RGS7BP: variants seen among roughly 807,000 people sequenced by gnomAD.
The protein encoded by RGS7BP is regulator of G protein signaling 7 binding protein, also known as regulator of G protein signaling 7-binding protein.
RGS7BP carries 9 observed loss-of-function variants against 31.3 expected under a neutral mutation model. The observed-to-expected ratio is 0.29, with a 90% confidence interval of 0.17 to 0.50. The LOEUF is 0.50. Ranked by LOEUF, RGS7BP falls within the 20% of genes least tolerant of loss-of-function variation. The pLI, the probability that RGS7BP is intolerant of heterozygous loss-of-function variation, is 0.98. For missense variants in RGS7BP, 274 were observed against 322.0 expected, an observed-to-expected ratio of 0.85 and a Z score of 1.14; for synonymous variants, 115 against 120.1, an observed-to-expected ratio of 0.96 and a Z score of 0.28.
At chr5:64,544,390 G>T (rs535063180) in intron 2 of RGS7BP, among the ~76,000 whole-genome samples, 2 of 152,112 alleles carry the variant, frequency 1.3e-5, no homozygotes, top group Non-Finnish European at 2.9e-5. Context: ...AAGATGTATA[G>T]GAGGCCAGGC....
chr5:64,531,821 A>G (rs1328702300), intron 2 of RGS7BP, among the ~76,000 whole-genome samples: 1 of 152,252 alleles, frequency 6.6e-6, no homozygotes, highest in Non-Finnish European at 1.5e-5. Context: ...TTCAAACAAC[A>G]TAGGGTATTT....
intron 3 of RGS7BP, among the ~76,000 whole-genome samples, chr5:64,578,748 G>A (rs990127228): frequency 2.6e-5 from 4 of 152,182 alleles, no homozygotes; most frequent in African/African-American, 9.6e-5. Flanking sequence ...TGATGAATGT[G>A]ATCTGTGTGA....
At chr5:64,599,356 C>T (rs1743160798) in intron 5 of RGS7BP, among the ~76,000 whole-genome samples, 1 of 152,098 alleles carries the variant, frequency 6.6e-6, no homozygotes. Context: ...GTGAGCAAAG[C>T]CTGATGGGAG....
At chr5:64,596,015 T>C (rs1372093276) in intron 4 of RGS7BP, among the ~76,000 whole-genome samples, 4 of 152,228 alleles carry the variant, frequency 2.6e-5, no homozygotes, top group Admixed American at 1.3e-4. Flanking sequence ...GAGTGATTTA[T>C]CTTAATTTAT....
chr5:64,570,615 C>G (rs764313608), intron 2 of RGS7BP, among the ~76,000 whole-genome samples: 1 of 152,092 alleles, frequency 6.6e-6, no homozygotes, highest in Non-Finnish European at 1.5e-5. Context: ...CAGACAGATG[C>G]AGGGCCAAGA....
intron 5 of RGS7BP, among the ~76,000 whole-genome samples, chr5:64,606,039 T>TAGAGAGAG (rs372992231): frequency 8.9e-5 from 11 of 123,720 alleles, no homozygotes; most frequent in African/African-American, 3.1e-4. Context: ...TATATATATA[T>TAGAGAGAG]AGAGAGAGAG....
chr5:64,525,281 A>T (rs1471585425), intron 2 of RGS7BP, among the ~76,000 whole-genome samples: 5 of 152,166 alleles, frequency 3.3e-5, no homozygotes, highest in Non-Finnish European at 7.4e-5. Flanking sequence ...GAGCGTCTCC[A>T]CCCTAGCTCA....
chr5:64,555,989 A>C (rs529727533), intron 2 of RGS7BP, among the ~76,000 whole-genome samples: 1 of 152,226 alleles, frequency 6.6e-6, no homozygotes, highest in African/African-American at 2.4e-5. Context: ...ATCGCAGGAA[A>C]TTCTGTCGAT....
intron 2 of RGS7BP, among the ~76,000 whole-genome samples, chr5:64,569,934 A>C (rs1470876295): frequency 6.6e-6 from 1 of 152,198 alleles, no homozygotes; most frequent in Non-Finnish European, 1.5e-5. Context: ...AGCCAACAAC[A>C]GAATTGATTC....
chr5:64,596,430 G>A (rs1207804937), intron 4 of RGS7BP, among the ~76,000 whole-genome samples: 1 of 152,166 alleles, frequency 6.6e-6, no homozygotes, highest in Admixed American at 6.5e-5. Context: ...AGGCTCTCTT[G>A]GGGTGAGACC....
chr5:64,604,866 G>A (rs995938083), intron 5 of RGS7BP, among the ~76,000 whole-genome samples: 7 of 152,030 alleles, frequency 4.6e-5, no homozygotes, highest in African/African-American at 1.4e-4. Context: ...GGCTTTAGTA[G>A]CATTCAAGAA....
intron 2 of RGS7BP, among the ~76,000 whole-genome samples, chr5:64,571,026 G>A (rs528352665): frequency 1.0e-3 from 152 of 151,898 alleles, no homozygotes; most frequent in African/African-American, 3.6e-3. Flanking sequence ...GTATACACCC[G>A]TGTAACTAAA....
intron 2 of RGS7BP, among the ~76,000 whole-genome samples, chr5:64,571,743 G>T (rs1304531980): frequency 3.3e-5 from 5 of 152,106 alleles, no homozygotes; most frequent in Non-Finnish European, 5.9e-5. Flanking sequence ...CAGCAGTTCA[G>T]TTTTCCTAAG....
chr5:64,564,999 C>A (rs1376789708), intron 2 of RGS7BP, among the ~76,000 whole-genome samples: 6 of 152,080 alleles, frequency 3.9e-5, no homozygotes, highest in Non-Finnish European at 7.4e-5. Context: ...CCAAATGAAA[C>A]AAGTTTGTGG....
At chr5:64,551,679 C>T (rs909418439) in intron 2 of RGS7BP, among the ~76,000 whole-genome samples, 5 of 150,170 alleles carry the variant, frequency 3.3e-5, no homozygotes, top group Non-Finnish European at 7.4e-5. Context: ...AGCTTCTGGC[C>T]GTTTTTAGGT....
intron 2 of RGS7BP, among the ~76,000 whole-genome samples, chr5:64,548,109 A>G (rs563355694): frequency 1.3e-5 from 2 of 152,268 alleles, no homozygotes; most frequent in East Asian, 1.9e-4. Flanking sequence ...ACTTATTATT[A>G]TCTAACAATA....
intron 3 of RGS7BP, among the ~76,000 whole-genome samples, chr5:64,581,377 C>G (rs1375008869): frequency 6.6e-6 from 1 of 152,150 alleles, no homozygotes; most frequent in African/African-American, 2.4e-5. Context: ...ATATGAGAGT[C>G]TCTAGTCAAT....
chr5:64,596,444 G>A (rs946340144), intron 4 of RGS7BP, among the ~76,000 whole-genome samples: 1 of 152,180 alleles, frequency 6.6e-6, no homozygotes, highest in Non-Finnish European at 1.5e-5. Context: ...TGAGACCTGG[G>A]CTTAAGGTGA....
At chr5:64,592,394 G>A (rs1742942695) in intron 3 of RGS7BP, among the ~76,000 whole-genome samples, 2 of 152,160 alleles carry the variant, frequency 1.3e-5, no homozygotes, top group Non-Finnish European at 2.9e-5. Flanking sequence ...CCATAGGGCT[G>A]TTTCAGGATC....
Sources: gnomAD v4.1 joint callset for allele counts (sites outside exome capture counted in the v4.1 genomes callset) on GRCh38, gnomAD v4.1.1 for gene constraint, MANE v1.5 for transcripts, NCBI Gene and HGNC (gene_info 2026-07-23, HGNC 2026-07-21) for gene names.